Variants in TRPM6 observed in about 807,000 individuals in gnomAD.
TRPM6 encodes channel kinase 2.
TRPM6 carries 111 observed loss-of-function variants against 247.6 expected under a neutral mutation model. That is an observed-to-expected ratio of 0.45 (90% confidence interval 0.38 to 0.52). The LOEUF (loss-of-function observed/expected upper bound fraction) is 0.52, where lower values mean the gene tolerates loss of function less well. Among genes scored for constraint, TRPM6 ranks in the 20% least tolerant of loss-of-function variants. The pLI is 0.00. For synonymous variants in TRPM6, 892 were observed against 853.8 expected, an observed-to-expected ratio of 1.04 and a Z score of -0.78; for missense variants, 2,126 against 2,421.5, an observed-to-expected ratio of 0.88 and a Z score of 2.56.
intron 28 of TRPM6, among the ~76,000 whole-genome samples, chr9:74,754,580 C>T (rs1033809270): frequency 3.3e-5 from 5 of 152,182 alleles, no homozygotes; most frequent in Admixed American, 6.5e-5. Flanking sequence ...GAACCATTTA[C>T]CATATGAACA....
At chr9:74,768,508 T>C (rs1483728751) in intron 25 of TRPM6, among the ~76,000 whole-genome samples, 2 of 152,188 alleles carry the variant, frequency 1.3e-5, no homozygotes, top group African/African-American at 4.8e-5. Context: ...TCAAGAAATC[T>C]ACAACTTATT....
chr9:74,763,695 C>A (rs917469041), intron 25 of TRPM6, among the ~76,000 whole-genome samples: 2 of 152,002 alleles, frequency 1.3e-5, no homozygotes, highest in African/African-American at 4.8e-5. Context: ...CAAACAAAAT[C>A]CATTTTAGAA....
At chr9:74,746,102 C>T (rs1279680061) in intron 31 of TRPM6, among the ~76,000 whole-genome samples, 3 of 151,862 alleles carry the variant, frequency 2.0e-5, no homozygotes, top group South Asian at 2.1e-4. Context: ...ATTAGCCGGG[C>T]GTGGTGGGTT....
chr9:74,808,039 A>AT lies in TRPM6; in HGVS notation c.1632dup (p.Tyr545IlefsTer11). On this transcript the variant is annotated frameshift_variant, in exon 14 of 39. Coordinates refer to ENST00000360774, the MANE Select transcript of TRPM6 (RefSeq NM_017662.5). LOFTEE classifies it high-confidence loss of function. ...GCACTTTTCAATTACTCTACCTTGT[A>AT]TTTTCTGTAGAGGTTGTTGTAGAGG... 6.2e-7 allele frequency: 1 copy of AT among 1,613,780 alleles called. No homozygotes were observed. Among genetic ancestry groups the AT allele is most frequent in the Non-Finnish European group, 8.5e-7 (1 of 1,179,852 alleles).
intron 14 of TRPM6, among the ~76,000 whole-genome samples, chr9:74,806,901 C>T (rs1336892567): frequency 1.3e-5 from 2 of 152,192 alleles, no homozygotes; most frequent in African/African-American, 4.8e-5. Flanking sequence ...TGACTTCGTA[C>T]TGGCAGGCCA....
In TRPM6 at chr9:74,782,671, A is replaced by G; in HGVS notation, c.3094+8T>C. ...AATTTCTGCATGACGGTAAAATCCC[A>G]TACACACCATCTATTTCTCCAGCAT... is the stretch of plus-strand genomic sequence containing the variant. On this transcript the variant is annotated splice_region_variant and intron_variant, in intron 22 of 38. Coordinates refer to ENST00000360774, the MANE Select transcript of TRPM6 (RefSeq NM_017662.5). 1 of 1,614,004 alleles carries G rather than the reference A, an allele frequency of 6.2e-7. No homozygotes were observed. The highest frequency in any genetic ancestry group is 8.5e-7 in the Non-Finnish European group (1 of 1,179,852).
At chr9:74,732,758 C>T (rs766303203) in intron 36 of TRPM6, 22 bp from the exon 37 acceptor site, 59 of 1,590,512 alleles carry the variant, frequency 3.7e-5, no homozygotes, top group Admixed American at 8.4e-5. Flanking sequence ...AAACAAAATT[C>T]GTTTAGCAAA....
intron 3 of TRPM6, 25 bp downstream of exon 3, chr9:74,855,502 G>T: frequency 6.4e-7 from 1 of 1,572,414 alleles, no homozygotes. Flanking sequence ...AAAGCTAAAA[G>T]GAATCTTGCT....
chr9:74,741,246 A>G (rs147781515), intron 33 of TRPM6, among the ~76,000 whole-genome samples: 37 of 152,266 alleles, frequency 2.4e-4, no homozygotes, highest in African/African-American at 8.9e-4. Context: ...GTTTCTTAAC[A>G]GAGCAACATA....
chr9:74,815,370 G>GA (rs1169843568), intron 11 of TRPM6, among the ~76,000 whole-genome samples: 1 of 152,072 alleles, frequency 6.6e-6, no homozygotes, highest in Non-Finnish European at 1.5e-5. Context: ...ATTTCTGTAG[G>GA]AAAAAATAGT....
In TRPM6 at chr9:74,761,986, G is replaced by A; in HGVS notation, c.4672+13C>T. Reference sequence around the variant, plus strand: ...AGGACTTAATGCTGATATTTTAAATGTTTATTCCTTACTTTTAATCTTACA... The same window carrying A: ...AGGACTTAATGCTGATATTTTAAATATTTATTCCTTACTTTTAATCTTACA... On this transcript the variant is annotated intron_variant, in intron 26 of 38. Coordinates refer to ENST00000360774, the MANE Select transcript of TRPM6 (RefSeq NM_017662.5). 1.9e-6 allele frequency: 3 copies of A among 1,611,742 alleles called. No individual in the cohort carries two copies. Among genetic ancestry groups the A allele is most frequent in the Non-Finnish European group, 1.7e-6 (2 of 1,178,060 alleles).
intron 30 of TRPM6, 107 bp from the exon 31 acceptor site, chr9:74,748,021 T>A: frequency 7.7e-6 from 8 of 1,034,786 alleles, no homozygotes; most frequent in African/African-American, 1.6e-5. Context: ...AGTATATATT[T>A]TATATACATG....
intron 5 of TRPM6, among the ~76,000 whole-genome samples, chr9:74,839,584 C>T (rs1281216174): frequency 6.6e-6 from 1 of 152,084 alleles, no homozygotes; most frequent in East Asian, 1.9e-4. Context: ...ATTCGATGTC[C>T]CTTCTAGCCT....
At position 74,842,103 on chromosome 9, in the gene TRPM6, C is replaced by T. The variant is rs183265238; in HGVS notation, c.330+63G>A. ...TCCAGCCTGGGCAACAAGAGCAAAA[C>T]CCCGTCTCGAAAAAAAAAAAAAAAG... On this transcript the variant is annotated intron_variant, in intron 4 of 38. Coordinates refer to ENST00000360774, the MANE Select transcript of TRPM6 (RefSeq NM_017662.5). 4 of 1,575,726 alleles carry T rather than the reference C, an allele frequency of 2.5e-6. No individual in the cohort carries two copies. In the African/African-American group the frequency reaches 5.4e-5, roughly 21 times the overall value.
Position 74,812,407 on chromosome 9 carries a change from T to C in TRPM6, c.1335A>G (p.Ser445=), listed in dbSNP as rs1444943067. 1 of 1,614,040 alleles carries C rather than the reference T, an allele frequency of 6.2e-7. No homozygotes were observed. The highest frequency in any genetic ancestry group is 2.2e-5 in the East Asian group (1 of 44,866). ...WKPDALEQAM[S]DALVMDRVDF... ...CCACCCGATCCATCACTAAAGCATCTGACATTGCTTGTTCCAGGGCATCAG... is the reference window on the plus strand; with the variant it reads ...CCACCCGATCCATCACTAAAGCATCCGACATTGCTTGTTCCAGGGCATCAG... Residue 445 remains serine (S), a synonymous_variant, in exon 12 of 39, where the codon TCA becomes TCG. Coordinates refer to ENST00000360774, the MANE Select transcript of TRPM6 (RefSeq NM_017662.5).
chr9:74,765,057 G>A lies in TRPM6; in HGVS notation c.3537-1923C>T, dbSNP rs565456604. 2.6e-5 allele frequency among the ~76,000 whole-genome samples: 4 copies of A among 152,158 alleles called. No individual in the cohort carries two copies. The East Asian group carries it at 7.7e-4, about 29-fold the overall frequency. ...GAAACAACTCAGTGGTAGCAAGGATGGAACATAGGGACACAATATTATAAA... is the reference window on the plus strand; with the variant it reads ...GAAACAACTCAGTGGTAGCAAGGATAGAACATAGGGACACAATATTATAAA... On this transcript the variant is annotated intron_variant, in intron 25 of 38. Coordinates refer to ENST00000360774, the MANE Select transcript of TRPM6 (RefSeq NM_017662.5).
intron 4 of TRPM6, 53 bp downstream of exon 4, chr9:74,842,112 GA>G (rs373974133): frequency 0.15 from 179,138 of 1,201,322 alleles, no homozygotes; most frequent in East Asian, 0.16. Context: ...ACCCCGTCTC[GA>G]AAAAAAAAAA....
rs1316238007 is a variant in TRPM6 at position 74,853,209 on chromosome 9, G to A, written c.152+2318C>T. Reference sequence around the variant, plus strand: ...CGTCTGAGAAGTGAGAAGCCCCTCCGCCCGGCAGCCGCCCCATCGGGGAAG... The same window carrying A: ...CGTCTGAGAAGTGAGAAGCCCCTCCACCCGGCAGCCGCCCCATCGGGGAAG... On this transcript the variant is annotated intron_variant, in intron 3 of 38. Transcript: ENST00000360774. 3.3e-5 allele frequency among the ~76,000 whole-genome samples: 5 copies of A among 150,572 alleles called. No homozygotes were observed. The South Asian group carries it at 6.4e-4, about 19-fold the overall frequency.
intron 1 of TRPM6, among the ~76,000 whole-genome samples, chr9:74,882,984 A>G (rs148341154): frequency 6.6e-6 from 1 of 152,204 alleles, no homozygotes; most frequent in South Asian, 2.1e-4. Flanking sequence ...TTCATCTCGA[A>G]AAACTGAAAC....
Sources: allele counts gnomAD v4.1 joint callset (sites outside exome capture counted in the v4.1 genomes callset), GRCh38; gene constraint gnomAD v4.1.1; transcripts MANE v1.5; gene names NCBI Gene and HGNC (gene_info 2026-07-23, HGNC 2026-07-21).